RSRC1: variants seen among roughly 807,000 people sequenced by gnomAD.
RSRC1 encodes the protein arginine and serine rich coiled-coil 1.
Under a neutral mutation model 49.1 loss-of-function variants are expected in RSRC1, and 39 were observed. The ratio of observed to expected loss-of-function variants is 0.79; its 90% CI spans 0.61 to 1.04. The LOEUF is 1.04. Ranked by LOEUF, RSRC1 falls within the 50% of genes least tolerant of loss-of-function variation. The pLI, the probability that RSRC1 is intolerant of heterozygous loss-of-function variation, is 0.00. For missense variants in RSRC1, 388 were observed against 402.4 expected (o/e 0.96, Z 0.31); for synonymous variants, 143 against 130.8 (o/e 1.09, Z -0.63).
At chr3:158,470,319 G>T (rs1738071686) in intron 7 of RSRC1, among the ~76,000 whole-genome samples, 1 of 108,396 alleles carries the variant, frequency 9.2e-6, no homozygotes, top group African/African-American at 4.0e-5. Flanking sequence ...TCTGCTCTTA[G>T]AAACACACAC....
At chr3:158,393,356 A>AC (rs1733427588) in intron 6 of RSRC1, among the ~76,000 whole-genome samples, 1 of 151,996 alleles carries the variant, frequency 6.6e-6, no homozygotes, top group African/African-American at 2.4e-5. Context: ...ACACACACAC[A>AC]AAAAATCATA....
At chr3:158,224,681 T>C (rs1160926319) in intron 4 of RSRC1, among the ~76,000 whole-genome samples, 1 of 151,792 alleles carries the variant, frequency 6.6e-6, no homozygotes, top group African/African-American at 2.4e-5. Flanking sequence ...TCCCCTCCCC[T>C]CCACTTTACA....
At chr3:158,361,402 T>G (rs1012388269) in intron 6 of RSRC1, among the ~76,000 whole-genome samples, 2 of 152,100 alleles carry the variant, frequency 1.3e-5, no homozygotes, top group African/African-American at 4.8e-5. Context: ...GCTCTGGGCC[T>G]TGGGGCGGGT....
intron 3 of RSRC1, among the ~76,000 whole-genome samples, chr3:158,180,556 A>G (rs911030063): frequency 6.7e-6 from 1 of 150,286 alleles, no homozygotes; most frequent in African/African-American, 2.5e-5. Context: ...CTTTCTCCCC[A>G]GGCTCAGGTG....
At chr3:158,510,615 G>A (rs1025072934) in intron 7 of RSRC1, among the ~76,000 whole-genome samples, 1 of 152,036 alleles carries the variant, frequency 6.6e-6, no homozygotes, top group Admixed American at 6.6e-5. Context: ...AGAAAATGGG[G>A]TACTCATCCC....
intron 7 of RSRC1, among the ~76,000 whole-genome samples, chr3:158,501,563 T>C (rs915171350): frequency 2.1e-4 from 32 of 152,038 alleles, no homozygotes; most frequent in Admixed American, 1.9e-3. Flanking sequence ...ATATATGTGA[T>C]ATTTTCCTGT....
chr3:158,379,807 C>T (rs771943857), intron 6 of RSRC1, among the ~76,000 whole-genome samples: 27 of 140,746 alleles, frequency 1.9e-4, no homozygotes, highest in South Asian at 4.8e-4. Flanking sequence ...TACAAACACA[C>T]GCGCATGCAC....
intron 6 of RSRC1, among the ~76,000 whole-genome samples, chr3:158,364,102 T>G (rs1457451826): frequency 6.6e-6 from 1 of 152,226 alleles, no homozygotes; most frequent in Non-Finnish European, 1.5e-5. Flanking sequence ...TTTCTCTTCA[T>G]AGCCATGTGA....
intron 7 of RSRC1, among the ~76,000 whole-genome samples, chr3:158,473,472 T>C (rs989628614): frequency 6.6e-6 from 1 of 151,748 alleles, no homozygotes; most frequent in Non-Finnish European, 1.5e-5. Context: ...ATGAGAACAC[T>C]TGGACACAGG....
intron 3 of RSRC1, among the ~76,000 whole-genome samples, chr3:158,125,552 T>C (rs1210077991): frequency 1.2e-4 from 19 of 152,222 alleles, no homozygotes; most frequent in African/African-American, 4.3e-4. Flanking sequence ...GCTATTGATG[T>C]CTAGTTTCAT....
At chr3:158,457,228 A>G (rs1277049524) in intron 6 of RSRC1, among the ~76,000 whole-genome samples, 5 of 152,152 alleles carry the variant, frequency 3.3e-5, no homozygotes, top group Admixed American at 6.6e-5. Context: ...AGTATTGGCA[A>G]TGAAATGGAA....
At chr3:158,522,598 C>A (rs1711749288) in intron 7 of RSRC1, among the ~76,000 whole-genome samples, 1 of 152,044 alleles carries the variant, frequency 6.6e-6, no homozygotes, top group South Asian at 2.1e-4. Context: ...AAAATGACGA[C>A]CAAATGGAAA....
At chr3:158,162,236 T>C (rs1718273707) in intron 3 of RSRC1, among the ~76,000 whole-genome samples, 1 of 152,190 alleles carries the variant, frequency 6.6e-6, no homozygotes, top group Non-Finnish European at 1.5e-5. Flanking sequence ...AGATACTGTT[T>C]AGATTTTTAT....
chr3:158,322,220 A>G (rs1237980928), intron 5 of RSRC1, among the ~76,000 whole-genome samples: 1 of 152,120 alleles, frequency 6.6e-6, no homozygotes, highest in Non-Finnish European at 1.5e-5. Flanking sequence ...TGGATATAGA[A>G]TTGTTGCTTG....
intron 3 of RSRC1, among the ~76,000 whole-genome samples, chr3:158,186,884 G>T (rs376287130): frequency 3.9e-5 from 6 of 151,970 alleles, no homozygotes; most frequent in Admixed American, 1.3e-4. Context: ...GATATGATGA[G>T]AATTCCAAAA....
At chr3:158,152,230 A>G (rs1265317134) in intron 3 of RSRC1, among the ~76,000 whole-genome samples, 1 of 152,152 alleles carries the variant, frequency 6.6e-6, no homozygotes, top group African/African-American at 2.4e-5. Context: ...TTAGGGAATC[A>G]TAATATTAAA....
At chr3:158,287,026 C>T (rs1726607131) in intron 4 of RSRC1, among the ~76,000 whole-genome samples, 1 of 152,128 alleles carries the variant, frequency 6.6e-6, no homozygotes, top group Non-Finnish European at 1.5e-5. Context: ...CAGGGTTTCA[C>T]TGTGTTAGCC....
At chr3:158,486,009 A>G (rs929829343) in intron 7 of RSRC1, among the ~76,000 whole-genome samples, 3 of 152,188 alleles carry the variant, frequency 2.0e-5, no homozygotes, top group Non-Finnish European at 2.9e-5. Flanking sequence ...ACGTTCATTC[A>G]AAAGTGCTTG....
intron 7 of RSRC1, among the ~76,000 whole-genome samples, chr3:158,483,444 C>T (rs915765428): frequency 3.9e-5 from 6 of 151,918 alleles, no homozygotes; most frequent in African/African-American, 1.4e-4. Flanking sequence ...GAATAATGGA[C>T]TAATTTAGAT....
Sources: gnomAD v4.1 joint callset for allele counts (sites outside exome capture counted in the v4.1 genomes callset) on GRCh38, gnomAD v4.1.1 for gene constraint, MANE v1.5 for transcripts, NCBI Gene and HGNC (gene_info 2026-07-23, HGNC 2026-07-21) for gene names.